Variants in PEG3 observed in about 807,000 individuals in gnomAD.
The protein encoded by PEG3 is paternally-expressed gene 3 protein.
PEG3 carries 23 observed loss-of-function variants against 35.5 expected under a neutral mutation model. The observed-to-expected ratio is 0.65, with a 90% CI of 0.47 to 0.92. PEG3 has a LOEUF of 0.92. PEG3 is among the 40% of genes least tolerant of loss of function. The pLI, the probability that PEG3 is intolerant of heterozygous loss-of-function variation, is 0.00. For missense variants in PEG3, 1,960 were observed against 1,985.3 expected, an observed-to-expected ratio of 0.99 and a Z score of 0.24; for synonymous variants, 707 against 697.0, an observed-to-expected ratio of 1.01 and a Z score of -0.23.
chr19:56,811,856 C>T lies in PEG3; in HGVS notation c.*1819G>A, dbSNP rs890405941. On this transcript the variant is annotated 3_prime_UTR_variant, in exon 10 of 10. Transcript: ENST00000326441. ...GAAACCTGGCCTTCTACAGTTCTTGCCTCTGGTGTTTTCTTCTGTCTGTCT... is the reference window on the plus strand; with the variant it reads ...GAAACCTGGCCTTCTACAGTTCTTGTCTCTGGTGTTTTCTTCTGTCTGTCT... 36 of 985,440 alleles carry T rather than the reference C, an allele frequency of 3.7e-5. No individual in the cohort carries two copies. The highest frequency in any genetic ancestry group is 4.1e-5 in the Non-Finnish European group (34 of 830,038). 61.0% of individuals were successfully genotyped at this position (985,440 alleles called of 1,614,324 possible).
Position 56,816,376 on chromosome 19 carries a change from T to C in PEG3, c.2066A>G (p.Asp689Gly), listed in dbSNP as rs1183284325. Residue 689 changes from aspartate to glycine, a missense_variant, in exon 10 of 10, where the codon GAT (aspartate) becomes GGT (glycine). Asp to Gly is a moderately conservative substitution (Grantham distance 94). Around this residue, in one of 5 missense-constraint regions of PEG3, gnomAD observed 798 missense variants for 782.4 expected, o/e 1.02. Transcript: ENST00000326441. ...YNKEKLCDFTDGRDAFMQSSE... is the reference protein window; with the variant it reads ...YNKEKLCDFTGGRDAFMQSSE... ...GCTTTGCATGAAGGCATCCCGGCCATCTGTAAAGTCACAGAGCTTCTCCTT... is the reference window on the plus strand; with the variant it reads ...GCTTTGCATGAAGGCATCCCGGCCACCTGTAAAGTCACAGAGCTTCTCCTT... The C allele has an allele frequency of 3.7e-6, 6 of 1,614,042 alleles. No homozygotes were observed.
At position 56,814,457 on chromosome 19, in the gene PEG3, T is replaced by G. The variant is rs370009140; in HGVS notation, c.3985A>C (p.Ile1329Leu). 4.3e-6 allele frequency: 7 copies of G among 1,613,770 alleles called. No homozygotes were observed. Among genetic ancestry groups the G allele is most frequent in the Non-Finnish European group, 5.9e-6 (7 of 1,179,750 alleles). Residue 1329 changes from isoleucine to leucine, a missense_variant, in exon 10 of 10, where the codon ATA (isoleucine) becomes CTA (leucine). Physicochemically the swap from Ile to Leu is conservative, Grantham distance 5 (BLOSUM62 2). Coordinates refer to ENST00000326441, the MANE Select transcript of PEG3 (RefSeq NM_006210.3). This position sits in a 1 kb window ranked among gnomAD's most constrained non-coding sequence, Gnocchi z 5.8. ...SFLTEPLKGA[I>L]PFYECKDCGK... is the part of the protein sequence containing the mutation. ...CAATCCTTGCATTCATAGAATGGTA[T>G]AGCTCCTTTGAGGGGCTCAGTAAGA...
rs761361975 is a variant in PEG3 at position 56,815,949 on chromosome 19, A to G, written c.2493T>C (p.Ser831=). The change falls in exon 10 of 10, where the codon AGT becomes AGC. Residue 831 remains serine, a synonymous_variant. Coordinates refer to ENST00000326441, the MANE Select transcript of PEG3 (RefSeq NM_006210.3). Reference sequence around the variant, plus strand: ...CCACTAAGCTATGGATAACAGACCTACTGTATTCCCTTCCTTCAGAGGTGT... The same window carrying G: ...CCACTAAGCTATGGATAACAGACCTGCTGTATTCCCTTCCTTCAGAGGTGT... ...GGNTSEGREY[S]RSVIHSLVAS... 1.1e-5 allele frequency: 17 copies of G among 1,596,962 alleles called. No homozygotes were observed. The highest frequency in any genetic ancestry group is 1.5e-5 in the Non-Finnish European group (17 of 1,171,940).
intron 1 of PEG3, among the ~76,000 whole-genome samples, chr19:56,837,740 G>A (rs2062336340): frequency 6.6e-6 from 1 of 152,210 alleles, no homozygotes; most frequent in East Asian, 1.9e-4. Flanking sequence ...ACGGCTCTAC[G>A]GCCCTGCCTA....
chr19:56,822,149 T>C (rs1425713738), intron 6 of PEG3, among the ~76,000 whole-genome samples: 2 of 152,240 alleles, frequency 1.3e-5, no homozygotes, highest in African/African-American at 4.8e-5. Context: ...CAATGCCTAT[T>C]GTGTTGTGAA....
In PEG3 at chr19:56,840,651, G is replaced by T. The variant is rs930970068; in HGVS notation, c.-319C>A. On this transcript the variant is annotated 5_prime_UTR_variant, in exon 1 of 10. Coordinates refer to ENST00000326441, the MANE Select transcript of PEG3 (RefSeq NM_006210.3). ...CGCACCCTCATGGCGCCCGGCGCCC[G>T]GCGGCGCCACCAGCCCAGGGTGGAC... 1 of 152,914 alleles carries T rather than the reference G, an allele frequency of 6.5e-6. No individual in the cohort carries two copies. The highest frequency in any genetic ancestry group is 2.4e-5 in the African/African-American group (1 of 41,476). 9.5% of individuals were successfully genotyped at this position (152,914 alleles called of 1,614,324 possible). A position where few individuals can be genotyped will look rare whatever the true frequency, so the allele number is the denominator to read the frequency against.
chr19:56,813,342 A>G lies in PEG3; in HGVS notation c.*333T>C. The G allele has an allele frequency of 9.3e-7, 1 of 1,069,956 alleles. No individual in the cohort carries two copies. The highest frequency in any genetic ancestry group is 6.0e-5 in the East Asian group (1 of 16,796). The allele number at this position is 1,069,956 out of a possible 1,614,324, so 66.3% of individuals were successfully genotyped here. On this transcript the variant is annotated 3_prime_UTR_variant, in exon 10 of 10. Coordinates refer to ENST00000326441, the MANE Select transcript of PEG3 (RefSeq NM_006210.3). ...TTATATACACCTCATGAAACACTAT[A>G]TATACGTTACACAAGTGTCATTTAC...
At chr19:56,827,580 C>T (rs1248541205) in intron 2 of PEG3, among the ~76,000 whole-genome samples, 1 of 152,150 alleles carries the variant, frequency 6.6e-6, no homozygotes, top group Non-Finnish European at 1.5e-5. Flanking sequence ...TGTGGCAATG[C>T]AAATTTTATC....
intron 1 of PEG3, among the ~76,000 whole-genome samples, chr19:56,838,888 C>A (rs1350846043): frequency 1.3e-5 from 2 of 152,178 alleles, no homozygotes; most frequent in African/African-American, 2.4e-5. Context: ...TGCGGCAAAC[C>A]GCAGCCGCCC....
rs767080868 is a variant in PEG3, at chr19:56,813,405, T to A, written c.*270A>T. Reference sequence around the variant, plus strand: ...CAAACTCTGTAGTCTGGAATACTCATAGGGTTTTCTCAATCTGATTACTTG... The same window carrying A: ...CAAACTCTGTAGTCTGGAATACTCAAAGGGTTTTCTCAATCTGATTACTTG... On this transcript the variant is annotated 3_prime_UTR_variant, in exon 10 of 10. Coordinates refer to ENST00000326441, the MANE Select transcript of PEG3 (RefSeq NM_006210.3). 13 of 1,257,468 alleles carry A rather than the reference T, an allele frequency of 1.0e-5. No homozygotes were observed. Among genetic ancestry groups the A allele is most frequent in the Non-Finnish European group, 1.3e-5 (13 of 997,696 alleles). 77.9% of individuals were successfully genotyped at this position (1,257,468 alleles called of 1,614,324 possible).
Position 56,811,969 on chromosome 19 carries a change from C to A in PEG3, c.*1706G>T. 1 of 985,426 alleles carries A rather than the reference C, an allele frequency of 1.0e-6. No homozygotes were observed. The highest frequency in any genetic ancestry group is 1.2e-6 in the Non-Finnish European group (1 of 829,948). The allele number at this position is 985,426 out of a possible 1,614,324, so 61.0% of individuals were successfully genotyped here. A position where few individuals can be genotyped will look rare whatever the true frequency, so the allele number is the denominator to read the frequency against. ...TTCTTGCTCTCAGCTCTACAATCTT[C>A]CTAAACTTTGACACTCCCTGCATCT... is the stretch of plus-strand genomic sequence containing the variant. On this transcript the variant is annotated 3_prime_UTR_variant, in exon 10 of 10. Transcript: ENST00000326441.
chr19:56,821,988 C>T (rs1345612973), intron 6 of PEG3, among the ~76,000 whole-genome samples: 6 of 152,118 alleles, frequency 3.9e-5, no homozygotes, highest in Non-Finnish European at 7.4e-5. Flanking sequence ...CTCCCAGTCT[C>T]GGAGGTGGTT....
Position 56,810,131 on chromosome 19 carries a change from C to A in PEG3, c.*3544G>T, listed in dbSNP as rs900775295. On this transcript the variant is annotated 3_prime_UTR_variant, in exon 10 of 10. Transcript: ENST00000326441. ...GTTGACACTATTACAGATAGAATGA[C>A]CACAACCATATTAACAAACCAAAAA... 3 of 966,416 alleles carry A rather than the reference C, an allele frequency of 3.1e-6. No individual in the cohort carries two copies. The highest frequency in any genetic ancestry group is 4.8e-5 in the South Asian group (1 of 20,920). 59.9% of individuals were successfully genotyped at this position (966,416 alleles called of 1,614,324 possible). A position where few individuals can be genotyped will look rare whatever the true frequency, so the allele number is the denominator to read the frequency against.
At chr19:56,827,639 G>A (rs1258280955) in intron 2 of PEG3, among the ~76,000 whole-genome samples, 1 of 152,134 alleles carries the variant, frequency 6.6e-6, no homozygotes. Context: ...CTACTTCTAT[G>A]AATTTACCTC....
chr19:56,821,694 C>T lies in PEG3; in HGVS notation c.626G>A (p.Arg209Lys), dbSNP rs2146303183. ...VVAKTSFEMD[R>K]EDDRDSRAYE... ...AGCCCTGGAGTCCCTGTCGTCCTCTCTGTCCATTTCAAAGCTTGTTTTCGC... is the reference window on the plus strand; with the variant it reads ...AGCCCTGGAGTCCCTGTCGTCCTCTTTGTCCATTTCAAAGCTTGTTTTCGC... Residue 209 changes from arginine (R) to lysine (K), a missense_variant, in exon 7 of 10, where the codon AGA becomes AAA. Arg to Lys is a conservative substitution (Grantham distance 26, BLOSUM62 2). Transcript: ENST00000326441. 1 of 1,614,068 alleles carries T rather than the reference C, an allele frequency of 6.2e-7. No individual in the cohort carries two copies. The highest frequency in any genetic ancestry group is 1.1e-5 in the South Asian group (1 of 91,076).
chr19:56,839,421 G>C (rs1340301478), intron 1 of PEG3, among the ~76,000 whole-genome samples: 1 of 151,382 alleles, frequency 6.6e-6, no homozygotes, highest in African/African-American at 2.4e-5. Context: ...CGTCCAAGCG[G>C]GCAGGGCCTG....
chr19:56,812,003 C>A lies in PEG3; in HGVS notation c.*1672G>T. 1.0e-6 allele frequency: 1 copy of A among 985,144 alleles called. No homozygotes were observed. Among genetic ancestry groups the A allele is most frequent in the Non-Finnish European group, 1.2e-6 (1 of 829,688 alleles). The allele number at this position is 985,144 out of a possible 1,614,324, so 61.0% of individuals were successfully genotyped here. ...TGACACTCCCTGCATCTTTGACATA[C>A]TTCCAAGCCCTAATCCTGCAGATCC... On this transcript the variant is annotated 3_prime_UTR_variant, in exon 10 of 10. Coordinates refer to ENST00000326441, the MANE Select transcript of PEG3 (RefSeq NM_006210.3).
Position 56,810,568 on chromosome 19 carries a change from GTAT to G in PEG3, c.*3104_*3106del. 1 of 934,586 alleles carries G rather than the reference GTAT, an allele frequency of 1.1e-6. No homozygotes were observed. The allele number at this position is 934,586 out of a possible 1,614,324, so 57.9% of individuals were successfully genotyped here. A position where few individuals can be genotyped will look rare whatever the true frequency, so the allele number is the denominator to read the frequency against. ...AATTTCCAAAGTTTTGTATGAGTAT[GTAT>G]TATATTTGTAATGGAAAATACATAC... On this transcript the variant is annotated 3_prime_UTR_variant, in exon 10 of 10. Transcript: ENST00000326441.
intron 7 of PEG3, 114 bp from the exon 8 acceptor site, chr19:56,818,816 C>T (rs557146553): frequency 7.3e-5 from 89 of 1,221,802 alleles, no homozygotes; most frequent in Middle Eastern, 5.5e-4. Context: ...GAAGTGCTCA[C>T]GGTATTGGGG....
Sources: gnomAD v4.1 joint callset for allele counts (sites outside exome capture counted in the v4.1 genomes callset) on GRCh38, gnomAD v4.1.1 for gene constraint, gnomAD v4.1.1 regional missense constraint, Gnocchi (gnomAD v3.1) non-coding constraint, MANE v1.5 for transcripts, NCBI Gene and HGNC (gene_info 2026-07-23, HGNC 2026-07-21) for gene names.